The following SLC10A6 variants were observed in gnomAD, a reference collection of about 807,000 sequenced individuals.
The protein encoded by SLC10A6 is sodium-dependent organic anion transporter.
SLC10A6 carries 27 observed loss-of-function variants against 30.0 expected under a neutral mutation model. That is an observed-to-expected ratio of 0.90 (90% CI 0.66 to 1.24). The LOEUF (loss-of-function observed/expected upper bound fraction) is 1.24, where lower values mean the gene tolerates loss of function less well. SLC10A6 is among the 50% of genes most tolerant of loss of function. The probability of loss-of-function intolerance (pLI) is 0.00; values close to 1 mark genes in which losing one functional copy is unlikely to be tolerated. For synonymous variants in SLC10A6, 166 were observed against 173.8 expected, an observed-to-expected ratio of 0.95 and a Z score of 0.36; for missense variants, 439 against 457.0, an observed-to-expected ratio of 0.96 and a Z score of 0.36.
intron 1 of SLC10A6, among the ~76,000 whole-genome samples, chr4:86,845,235 C>G (rs1359444671): frequency 6.6e-6 from 1 of 152,160 alleles, no homozygotes; most frequent in Non-Finnish European, 1.5e-5. Flanking sequence ...AACATCATGA[C>G]TGGAGGAGAC....
At chr4:86,829,368 G>A (rs553585744) in intron 3 of SLC10A6, among the ~76,000 whole-genome samples, 6 of 152,072 alleles carry the variant, frequency 3.9e-5, no homozygotes, top group East Asian at 1.9e-4. Flanking sequence ...CCAAGATTGC[G>A]CCACTGCACT....
At chr4:86,837,366 T>C (rs1317738303) in intron 1 of SLC10A6, among the ~76,000 whole-genome samples, 2 of 129,066 alleles carry the variant, frequency 1.5e-5, no homozygotes, top group Admixed American at 7.3e-5. Flanking sequence ...AGGCTGGGAT[T>C]TGAGAAGCAA....
At chr4:86,833,460 C>G (rs769766800) in intron 1 of SLC10A6, 36 bp from the exon 2 acceptor site, 1 of 1,498,246 alleles carries the variant, frequency 6.7e-7, no homozygotes, top group East Asian at 2.3e-5. Flanking sequence ...TAGGAGGGAG[C>G]ATTGGACATG....
chr4:86,824,003 C>G (rs1745932465), intron 5 of SLC10A6, 101 bp from the exon 6 acceptor site: 1 of 1,060,036 alleles, frequency 9.4e-7, no homozygotes, highest in African/African-American at 1.6e-5. Flanking sequence ...GTTTCAGTGG[C>G]ATCATGTATG....
Position 86,848,735 on chromosome 4 carries a change from T to C in SLC10A6, c.377+4A>G. On this transcript the variant is annotated splice_donor_region_variant and intron_variant, in intron 1 of 5. Coordinates refer to ENST00000273905, the MANE Select transcript of SLC10A6 (RefSeq NM_197965.3). ...GACTGCTGAGCTTCCCTGGGGTTAC[T>C]TACCTGAGATCCATATCTCCATCAA... The C allele has an allele frequency of 1.3e-6, 2 of 1,570,598 alleles. No individual in the cohort carries two copies. The highest frequency in any genetic ancestry group is 2.4e-5 in the South Asian group (2 of 82,370).
intron 4 of SLC10A6, 54 bp downstream of exon 4, chr4:86,827,939 G>T: frequency 1.3e-6 from 2 of 1,520,862 alleles, no homozygotes; most frequent in Non-Finnish European, 1.8e-6. Flanking sequence ...CCTACCAGTG[G>T]CAGTGTGTTA....
intron 1 of SLC10A6, among the ~76,000 whole-genome samples, chr4:86,841,925 G>A (rs1034161017): frequency 6.6e-6 from 1 of 152,140 alleles, no homozygotes; most frequent in Non-Finnish European, 1.5e-5. Flanking sequence ...CAATATAAAT[G>A]TTACCCTTGT....
At chr4:86,844,625 A>G (rs1746362437) in intron 1 of SLC10A6, among the ~76,000 whole-genome samples, 1 of 152,162 alleles carries the variant, frequency 6.6e-6, no homozygotes, top group Non-Finnish European at 1.5e-5. Flanking sequence ...CTGCCATGTA[A>G]TCAGGTCTAG....
In SLC10A6 at chr4:86,833,333, T is replaced by A; in HGVS notation, c.469A>T (p.Asn157Tyr). ...ATGTTCTGATAAGGAATGGTGAGAT[T>A]CTGCTGAAGACTCCAGGACCAGGTG... Reference protein sequence around the residue: ...LYTWSWSLQQNLTIPYQNIGI... With the variant: ...LYTWSWSLQQYLTIPYQNIGI... The change falls in exon 2 of 6, where the codon AAT becomes TAT. Residue 157 changes from asparagine to tyrosine, a missense_variant. Asn to Tyr is a moderately radical substitution (Grantham distance 143). Transcript: ENST00000273905. 1 of 1,614,054 alleles carries A rather than the reference T, an allele frequency of 6.2e-7. No homozygotes were observed. Among genetic ancestry groups the A allele is most frequent in the Non-Finnish European group, 8.5e-7 (1 of 1,179,934 alleles).
chr4:86,826,788 A>G (rs1417064184), intron 4 of SLC10A6, among the ~76,000 whole-genome samples: 1 of 152,160 alleles, frequency 6.6e-6, no homozygotes, highest in Non-Finnish European at 1.5e-5. Flanking sequence ...TGAGTTAAGC[A>G]GTTTCACGTC....
intron 1 of SLC10A6, among the ~76,000 whole-genome samples, chr4:86,834,610 AT>A (rs1427983987): frequency 6.6e-6 from 1 of 152,046 alleles, no homozygotes; most frequent in African/African-American, 2.4e-5. Flanking sequence ...TTTATTGAAA[AT>A]TTTTGCATGT....
At chr4:86,825,374 A>T in intron 5 of SLC10A6, 46 bp downstream of exon 5, 1 of 1,540,810 alleles carries the variant, frequency 6.5e-7, no homozygotes, top group Non-Finnish European at 8.9e-7. Context: ...AGTTGGGGTG[A>T]ACAATTTCCC....
chr4:86,832,542 G>C lies in SLC10A6; in HGVS notation c.497-662C>G, dbSNP rs181013329. On this transcript the variant is annotated intron_variant, in intron 2 of 5. Coordinates refer to ENST00000273905, the MANE Select transcript of SLC10A6 (RefSeq NM_197965.3). ...GAAGGCAGAAGTTGCAGTGAGCCGA[G>C]ATTGCACGACTGCACTCCAGCCTGA... Among the ~76,000 whole-genome samples the C allele has an allele frequency of 2.3e-3, 354 of 151,628 alleles. 1 individual carries two copies. The highest frequency in any genetic ancestry group is 3.3e-3 in the Non-Finnish European group (225 of 67,954).
Position 86,827,422 on chromosome 4 carries a change from C to T in SLC10A6, c.761+571G>A, listed in dbSNP as rs569755794. On this transcript the variant is annotated intron_variant, in intron 4 of 5. Coordinates refer to ENST00000273905, the MANE Select transcript of SLC10A6 (RefSeq NM_197965.3). ...TGAGATAGATGGGGTAAAGCTTTAC[C>T]GGGCGCTTAGTACAACCCTAAATGT... Among the ~76,000 whole-genome samples the T allele has an allele frequency of 4.6e-5, 7 of 152,224 alleles. No homozygotes were observed. The South Asian group carries it at 1.5e-3, about 32-fold the overall frequency.
intron 1 of SLC10A6, among the ~76,000 whole-genome samples, chr4:86,842,898 C>T (rs1443766420): frequency 6.8e-5 from 9 of 132,878 alleles, no homozygotes; most frequent in East Asian, 2.1e-4. Context: ...GATGGAGTCT[C>T]GCTCTGTCAC....
intron 1 of SLC10A6, among the ~76,000 whole-genome samples, chr4:86,842,398 A>G (rs1746305894): frequency 6.6e-6 from 1 of 152,226 alleles, no homozygotes; most frequent in Non-Finnish European, 1.5e-5. Flanking sequence ...TCAAACAAAG[A>G]TAGTGGGAGG....
rs141195238 is a variant in SLC10A6, at chr4:86,833,394, G to A, written c.408C>T (p.Ala136=). The change falls in exon 2 of 6, where the codon GCC becomes GCT. Residue 136 remains alanine, a synonymous_variant. Transcript: ENST00000273905. ...TGCAGAGTGGCATCATTCCCAGGGCGGCCACGGTGGAACAGGTTGTCATAC... is the reference window on the plus strand; with the variant it reads ...TGCAGAGTGGCATCATTCCCAGGGCAGCCACGGTGGAACAGGTTGTCATAC... ...SISMTTCSTV[A]ALGMMPLCIY... is the part of the protein sequence containing the mutation. 1,373 of 1,613,868 alleles carry A rather than the reference G, an allele frequency of 8.5e-4. 18 individuals are homozygous for A. The Admixed American group carries it at 0.012, about 14-fold the overall frequency.
At chr4:86,825,185 A>T (rs954465222) in intron 5 of SLC10A6, among the ~76,000 whole-genome samples, 1 of 152,214 alleles carries the variant, frequency 6.6e-6, no homozygotes, top group Non-Finnish European at 1.5e-5. Flanking sequence ...TTTGTGAAGT[A>T]TATTTGTTTA....
intron 1 of SLC10A6, among the ~76,000 whole-genome samples, chr4:86,837,347 C>T (rs867950312): frequency 9.2e-6 from 1 of 108,544 alleles, no homozygotes; most frequent in East Asian, 3.0e-4. Context: ...GGAAGGAAGG[C>T]AGGCAGGCAG....
Sources: gnomAD v4.1 joint callset for allele counts (sites outside exome capture counted in the v4.1 genomes callset) on GRCh38, gnomAD v4.1.1 for gene constraint, MANE v1.5 for transcripts, NCBI Gene and HGNC (gene_info 2026-07-23, HGNC 2026-07-21) for gene names.